Variants in NUP93 observed in about 807,000 individuals in gnomAD.
NUP93 encodes nuclear pore complex protein Nup93.
Under a neutral mutation model 107.8 loss-of-function variants are expected in NUP93, and 55 were observed. That is an observed-to-expected ratio of 0.51 (90% CI 0.41 to 0.64). NUP93 has a LOEUF of 0.64. Ranked by LOEUF, NUP93 falls within the 30% of genes least tolerant of loss-of-function variation. NUP93 has a pLI of 0.00. For missense variants in NUP93, 937 were observed against 1,044.7 expected (o/e 0.90, Z 1.42); for synonymous variants, 390 against 397.5 (o/e 0.98, Z 0.22).
Position 56,794,136 on chromosome 16 carries a change from T to A in NUP93, c.298-4340T>A, listed in dbSNP as rs186374557. Among the ~76,000 whole-genome samples the A allele has an allele frequency of 3.3e-3, 498 of 150,916 alleles. 4 individuals are homozygous for A. Among genetic ancestry groups the A allele is most frequent in the African/African-American group, 0.011 (460 of 41,134 alleles). On this transcript the variant is annotated intron_variant, in intron 3 of 21. Transcript: ENST00000308159. ...TAGATAGATAGATAGATAGATGTGT[T>A]ATTATTTTTAAAAATATTTTGAAAA... is the stretch of plus-strand genomic sequence containing the variant.
intron 3 of NUP93, among the ~76,000 whole-genome samples, chr16:56,782,892 T>G (rs192807480): frequency 7.9e-5 from 12 of 152,340 alleles, no homozygotes; most frequent in Admixed American, 7.8e-4. Context: ...TGGTTCTTTT[T>G]TATTTCTTAA....
At chr16:56,752,899 TG>T (rs1164076506) in intron 2 of NUP93, among the ~76,000 whole-genome samples, 5 of 152,188 alleles carry the variant, frequency 3.3e-5, no homozygotes, top group Non-Finnish European at 7.3e-5. Context: ...CCATTCATTG[TG>T]AAAAGAACAG....
chr16:56,749,462 G>A, intron 2 of NUP93, among the ~76,000 whole-genome samples: 1 of 152,196 alleles, frequency 6.6e-6, no homozygotes, highest in East Asian at 1.9e-4. Context: ...GAAGGGCATG[G>A]GAGGATGGAG....
At chr16:56,830,083 T>C (rs1381864256) in intron 9 of NUP93, among the ~76,000 whole-genome samples, 1 of 152,218 alleles carries the variant, frequency 6.6e-6, no homozygotes, top group African/African-American at 2.4e-5. Flanking sequence ...GTAAAATGTT[T>C]ATGACGTTTT....
At position 56,837,851 on chromosome 16, in the gene NUP93, A is replaced by G. The variant is rs1963945274; in HGVS notation, c.2018+125A>G. On this transcript the variant is annotated intron_variant, in intron 18 of 21. Transcript: ENST00000308159. ...GCAGACAGCTTTCCAAAGTGGTTCT[A>G]CTAACTCACCATGCCACCAGCACTG... is the stretch of plus-strand genomic sequence containing the variant. The G allele has an allele frequency of 6.0e-6, 4 of 663,188 alleles. No homozygotes were observed. In the Admixed American group the frequency reaches 7.3e-5, roughly 12 times the overall value. The allele number at this position is 663,188 out of a possible 1,614,324, so 41.1% of individuals were successfully genotyped here.
chr16:56,781,868 C>T, intron 3 of NUP93: 1 of 985,360 alleles, frequency 1.0e-6, no homozygotes, highest in Non-Finnish European at 1.2e-6. Flanking sequence ...TGATGGCTGA[C>T]TTCTCTGAAT....
At chr16:56,822,098 CAAAA>C (rs71381135) in intron 7 of NUP93, among the ~76,000 whole-genome samples, 12 of 52,006 alleles carry the variant, frequency 2.3e-4, no homozygotes, top group Non-Finnish European at 3.4e-4. Flanking sequence ...CCATAAGGGG[CAAAA>C]AAAAAAAAAA....
intron 3 of NUP93, among the ~76,000 whole-genome samples, chr16:56,791,333 G>C (rs1272483904): frequency 6.6e-6 from 1 of 152,194 alleles, no homozygotes; most frequent in Non-Finnish European, 1.5e-5. Flanking sequence ...CTGTGTAACT[G>C]TCCAACTGTC....
intron 8 of NUP93, among the ~76,000 whole-genome samples, chr16:56,827,018 C>T (rs1448019950): frequency 8.8e-6 from 1 of 113,076 alleles, no homozygotes. Flanking sequence ...TGTACTCCAA[C>T]CTGGGGATGG....
At chr16:56,802,192 A>G (rs1398818200) in intron 4 of NUP93, among the ~76,000 whole-genome samples, 2 of 152,156 alleles carry the variant, frequency 1.3e-5, no homozygotes, top group African/African-American at 4.8e-5. Context: ...GAGAGGCTAG[A>G]GGCTGAGGAG....
rs572119962 is a variant in NUP93, at chr16:56,809,565, C to T, written c.489+3933C>T. 1.3e-3 allele frequency among the ~76,000 whole-genome samples: 204 copies of T among 152,090 alleles called. 1 individual carries two copies. Among genetic ancestry groups the T allele is most frequent in the African/African-American group, 4.0e-3 (164 of 41,480 alleles). ...TCATGAGTAGCTAAGATTCTTTTTG[C>T]ACATCGAGATAAGAAAACTGAGGCT... On this transcript the variant is annotated intron_variant, in intron 5 of 21. Coordinates refer to ENST00000308159, the MANE Select transcript of NUP93 (RefSeq NM_014669.5).
At chr16:56,816,038 A>G (rs761931259) in intron 5 of NUP93, among the ~76,000 whole-genome samples, 4 of 152,302 alleles carry the variant, frequency 2.6e-5, no homozygotes, top group Non-Finnish European at 5.9e-5. Flanking sequence ...AGCAGTAGCA[A>G]AGAGTACAGA....
intron 4 of NUP93, among the ~76,000 whole-genome samples, chr16:56,804,526 G>C (rs552613751): frequency 1.6e-4 from 24 of 152,248 alleles, no homozygotes; most frequent in African/African-American, 5.8e-4. Flanking sequence ...AAACAAAGTA[G>C]AGTGGTGGTT....
At chr16:56,834,919 A>G (rs1329592989) in intron 16 of NUP93, 141 bp downstream of exon 16, 2 of 643,324 alleles carry the variant, frequency 3.1e-6, no homozygotes, top group Admixed American at 3.0e-5. Context: ...AATGGAATGA[A>G]AATTATGGGC....
intron 3 of NUP93, chr16:56,782,031 T>C (rs1567386069): frequency 2.0e-6 from 2 of 985,408 alleles, no homozygotes; most frequent in Non-Finnish European, 2.4e-6. Context: ...CTTTTTCTTC[T>C]TTCTCTCTTT....
Position 56,832,348 on chromosome 16 carries a change from C to T in NUP93, c.1305C>T (p.Leu435=), listed in dbSNP as rs1173671219. 3 of 1,614,154 alleles carry T rather than the reference C, an allele frequency of 1.9e-6. No individual in the cohort carries two copies. Among genetic ancestry groups the T allele is most frequent in the East Asian group, 4.5e-5 (2 of 44,890 alleles). The change falls in exon 12 of 22, where the codon CTC becomes CTT. Residue 435 remains leucine (L), a synonymous_variant. Coordinates refer to ENST00000308159, the MANE Select transcript of NUP93 (RefSeq NM_014669.5). The part of the protein sequence containing the change: ...DDGTSSPQDR[L]TLSQFQKQLL... ...GCACCAGCTCCCCACAAGACAGGCTCACTCTCTCACAGTTCCAGAAGCAGT... is the reference window on the plus strand; with the variant it reads ...GCACCAGCTCCCCACAAGACAGGCTTACTCTCTCACAGTTCCAGAAGCAGT...
rs764196494 is a variant in NUP93 at position 56,837,722 on chromosome 16, G to C, written c.2014G>C (p.Glu672Gln). Residue 672 changes from glutamate (E) to glutamine (Q), a missense_variant, in exon 18 of 22, where the codon GAA (glutamate) becomes CAA (glutamine). Coordinates refer to ENST00000308159, the MANE Select transcript of NUP93 (RefSeq NM_014669.5). ...RLKNMALSIA[E>Q]RYRAQGISAN... ...GAAGAACATGGCACTCTCCATTGCC[G>C]AACGGTAAGCCAGGAGCTGGCTCCA... The C allele has an allele frequency of 6.2e-7, 1 of 1,612,274 alleles. No homozygotes were observed. The highest frequency in any genetic ancestry group is 1.1e-5 in the South Asian group (1 of 90,952).
At chr16:56,786,683 C>T (rs563809767) in intron 3 of NUP93, among the ~76,000 whole-genome samples, 3 of 152,086 alleles carry the variant, frequency 2.0e-5, no homozygotes, top group Non-Finnish European at 2.9e-5. Flanking sequence ...ATTGTGTTGG[C>T]TCGGCATGAA....
chr16:56,829,577 G>C (rs1045812539), intron 9 of NUP93, among the ~76,000 whole-genome samples: 1 of 152,228 alleles, frequency 6.6e-6, no homozygotes, highest in Non-Finnish European at 1.5e-5. Context: ...GCAGGATACA[G>C]AGGAGATTAG....
Sources: allele counts gnomAD v4.1 joint callset (sites outside exome capture counted in the v4.1 genomes callset), GRCh38; gene constraint gnomAD v4.1.1; transcripts MANE v1.5; gene names NCBI Gene and HGNC (gene_info 2026-07-23, HGNC 2026-07-21).